The following GREM2 variants were observed in gnomAD, a reference collection of about 807,000 sequenced individuals.
GREM2 encodes gremlin-2.
A neutral mutation model predicts 14.2 loss-of-function variants in GREM2; 11 were observed. The observed-to-expected ratio is 0.78, with a 90% confidence interval of 0.49 to 1.28. The LOEUF (loss-of-function observed/expected upper bound fraction) is 1.28, where lower values mean the gene tolerates loss of function less well. Ranked by LOEUF, GREM2 falls within the 50% of genes most tolerant of loss-of-function variation. The probability of loss-of-function intolerance (pLI) is 0.00; values close to 1 mark genes in which losing one functional copy is unlikely to be tolerated. For missense variants in GREM2, 210 were observed against 218.5 expected (o/e 0.96, Z 0.24); for synonymous variants, 98 against 97.6 (o/e 1.00, Z -0.02).
chr1:240,521,324 T>G (rs1024861078), intron 1 of GREM2, among the ~76,000 whole-genome samples: 217 of 152,268 alleles, frequency 1.4e-3, no homozygotes, highest in Non-Finnish European at 2.0e-3. Flanking sequence ...ATCCCAGCAC[T>G]TTAGCAGGCC....
intron 1 of GREM2, among the ~76,000 whole-genome samples, chr1:240,583,819 G>A (rs780990568): frequency 9.2e-5 from 14 of 151,992 alleles, no homozygotes; most frequent in Admixed American, 2.6e-4. Flanking sequence ...GGCCAGGATG[G>A]TCTCAATCTC....
At position 240,562,889 on chromosome 1, in the gene GREM2, AGT is replaced by A. The variant is rs554324644; in HGVS notation, c.-2+48993_-2+48994del. Among the ~76,000 whole-genome samples the A allele has an allele frequency of 7.3e-4, 100 of 136,778 alleles. No individual in the cohort carries two copies. The Middle Eastern group carries it at 0.024, about 33-fold the overall frequency. The allele number at this position is 136,778 out of a possible 152,430, so 89.7% of individuals were successfully genotyped here. On this transcript the variant is annotated intron_variant, in intron 1 of 1. Coordinates refer to ENST00000318160, the MANE Select transcript of GREM2 (RefSeq NM_022469.4). ...ATATGTGAGTGTGTATGTGTGTATG[AGT>A]GTGTATGTGTGTATGTATGTCTGTG...
intron 1 of GREM2, among the ~76,000 whole-genome samples, chr1:240,569,272 TC>T (rs1481929427): frequency 1.3e-5 from 2 of 152,164 alleles, no homozygotes; most frequent in African/African-American, 4.8e-5. Context: ...AGATACCAGT[TC>T]TCGCCAGATG....
intron 1 of GREM2, among the ~76,000 whole-genome samples, chr1:240,544,541 G>A (rs1165483264): frequency 6.6e-6 from 1 of 152,120 alleles, no homozygotes; most frequent in Non-Finnish European, 1.5e-5. Context: ...TGGATACAAA[G>A]GAACAGGTGT....
chr1:240,522,974 T>G (rs1259046157), intron 1 of GREM2, among the ~76,000 whole-genome samples: 2 of 152,258 alleles, frequency 1.3e-5, no homozygotes, highest in African/African-American at 4.8e-5. Flanking sequence ...CAGTGCTATT[T>G]ATATATTTTT....
chr1:240,503,890 A>G (rs982694419), intron 1 of GREM2, among the ~76,000 whole-genome samples: 8 of 152,208 alleles, frequency 5.3e-5, no homozygotes, highest in African/African-American at 1.9e-4. Context: ...TAATTGGAAG[A>G]GAGGGGTATT....
intron 1 of GREM2, among the ~76,000 whole-genome samples, chr1:240,564,622 T>C (rs1449633837): frequency 6.6e-6 from 1 of 152,188 alleles, no homozygotes; most frequent in Non-Finnish European, 1.5e-5. Flanking sequence ...CCCTTCTTTT[T>C]CTCATAGGTG....
intron 1 of GREM2, among the ~76,000 whole-genome samples, chr1:240,571,848 G>A (rs1679268575): frequency 6.6e-6 from 1 of 152,130 alleles, no homozygotes; most frequent in Non-Finnish European, 1.5e-5. Context: ...TTCAAATTGA[G>A]GAATTTGAAA....
At chr1:240,579,701 C>G (rs934156703) in intron 1 of GREM2, among the ~76,000 whole-genome samples, 1 of 152,120 alleles carries the variant, frequency 6.6e-6, no homozygotes, top group Non-Finnish European at 1.5e-5. Context: ...GGAGTGCCAA[C>G]GGTTTCTGTC....
chr1:240,509,660 A>T lies in GREM2; in HGVS notation c.-1-16184T>A, dbSNP rs568866181. Among the ~76,000 whole-genome samples the T allele has an allele frequency of 1.1e-4, 17 of 151,906 alleles. No homozygotes were observed. In the South Asian group the frequency reaches 3.3e-3, roughly 30 times the overall value. ...TGGGATTACAGGCATGAGCCACTGC[A>T]CCCGGTGCTCATTTGACTCTTATGA... On this transcript the variant is annotated intron_variant, in intron 1 of 1. Transcript: ENST00000318160.
At chr1:240,582,656 GCGTGGTGA>G (rs1416742235) in intron 1 of GREM2, among the ~76,000 whole-genome samples, 8 of 151,828 alleles carry the variant, frequency 5.3e-5, no homozygotes, top group Non-Finnish European at 1.2e-4. Flanking sequence ...AATTAGCTGT[GCGTGGTGA>G]CGTGCACCTG....
At chr1:240,507,055 G>A (rs895239721) in intron 1 of GREM2, among the ~76,000 whole-genome samples, 4 of 152,182 alleles carry the variant, frequency 2.6e-5, no homozygotes, top group Non-Finnish European at 2.9e-5. Context: ...AGAGAATATC[G>A]GAGGAAGAGC....
chr1:240,598,123 T>C (rs1172403609), intron 1 of GREM2, among the ~76,000 whole-genome samples: 1 of 152,198 alleles, frequency 6.6e-6, no homozygotes, highest in Non-Finnish European at 1.5e-5. Flanking sequence ...ACAATTTGAA[T>C]TTTACTGCCA....
intron 1 of GREM2, among the ~76,000 whole-genome samples, chr1:240,582,656 G>A (rs915454986): frequency 6.6e-6 from 1 of 151,828 alleles, no homozygotes; most frequent in Non-Finnish European, 1.5e-5. Flanking sequence ...AATTAGCTGT[G>A]CGTGGTGACG....
intron 1 of GREM2, among the ~76,000 whole-genome samples, chr1:240,558,125 G>A (rs1273200610): frequency 6.6e-6 from 1 of 152,108 alleles, no homozygotes; most frequent in Non-Finnish European, 1.5e-5. Context: ...CTGGTTTAGG[G>A]ACCAGGAAGT....
At chr1:240,502,074 G>A (rs1677581393) in intron 1 of GREM2, among the ~76,000 whole-genome samples, 1 of 152,020 alleles carries the variant, frequency 6.6e-6, no homozygotes, top group Non-Finnish European at 1.5e-5. Context: ...ACCTTCCTAG[G>A]ACAGCATTCT....
At chr1:240,607,610 T>C (rs1370729156) in intron 1 of GREM2, among the ~76,000 whole-genome samples, 1 of 152,238 alleles carries the variant, frequency 6.6e-6, no homozygotes. Flanking sequence ...CTCCAGACAC[T>C]GAGCACGCTC....
At chr1:240,606,994 A>G (rs939763421) in intron 1 of GREM2, among the ~76,000 whole-genome samples, 7 of 152,174 alleles carry the variant, frequency 4.6e-5, no homozygotes, top group Non-Finnish European at 1.0e-4. Context: ...AAATGATTCT[A>G]CAGCATGCTT....
chr1:240,516,004 A>T (rs1414855148), intron 1 of GREM2, among the ~76,000 whole-genome samples: 2 of 152,150 alleles, frequency 1.3e-5, no homozygotes, highest in Non-Finnish European at 2.9e-5. Flanking sequence ...TTCTAATGAG[A>T]AAGAGCTAAG....
Sources: allele counts gnomAD v4.1 joint callset (sites outside exome capture counted in the v4.1 genomes callset), GRCh38; gene constraint gnomAD v4.1.1; transcripts MANE v1.5; gene names NCBI Gene and HGNC (gene_info 2026-07-23, HGNC 2026-07-21).